Variants in FAM227B observed in about 807,000 individuals in gnomAD.
FAM227B encodes the protein protein FAM227B.
Under a neutral mutation model 73.8 loss-of-function variants are expected in FAM227B, and 88 were observed. The ratio of observed to expected loss-of-function variants is 1.19; its 90% CI spans 1.00 to 1.42. FAM227B has a LOEUF of 1.42. FAM227B is among the 40% of genes most tolerant of loss of function. FAM227B has a pLI of 0.00. For missense variants in FAM227B, 632 were observed against 590.9 expected (o/e 1.07, Z -0.72); for synonymous variants, 210 against 190.5 (o/e 1.10, Z -0.84).
At chr15:49,619,928 A>C (rs1345165993) in intron 1 of FAM227B, among the ~76,000 whole-genome samples, 2 of 152,162 alleles carry the variant, frequency 1.3e-5, no homozygotes, top group Non-Finnish European at 1.5e-5. Flanking sequence ...ATACAATTAA[A>C]AGCTCCATAA....
chr15:49,555,700 C>T (rs1261111037), intron 9 of FAM227B, among the ~76,000 whole-genome samples: 2 of 152,192 alleles, frequency 1.3e-5, no homozygotes, highest in Admixed American at 1.3e-4. Context: ...GATTTGGTCT[C>T]TTTACATAAT....
At chr15:49,481,315 T>C (rs1183507988) in intron 11 of FAM227B, among the ~76,000 whole-genome samples, 3 of 152,364 alleles carry the variant, frequency 2.0e-5, no homozygotes, top group East Asian at 3.9e-4. Flanking sequence ...TGCAAATATG[T>C]TGAATCAATG....
rs184970229 is a variant in FAM227B at position 49,328,617 on chromosome 15, G to A, written c.1478C>T (p.Ser493Leu). 9 of 1,587,994 alleles carry A rather than the reference G, an allele frequency of 5.7e-6. No individual in the cohort carries two copies. The highest frequency in any genetic ancestry group is 7.7e-6 in the Non-Finnish European group (9 of 1,163,528). The change falls in exon 16 of 16, where the codon TCA becomes TTA. Residue 493 changes from serine to leucine, a missense_variant. Physicochemically the swap from Ser to Leu is moderately radical, Grantham distance 145. Coordinates refer to ENST00000299338, the MANE Select transcript of FAM227B (RefSeq NM_152647.3). ...GTAGTTGTCTGTTGATGATGGTGAT[G>A]ATGATGATGATGACGATAGTGATGC... Reference protein sequence around the residue: ...CVASLSSSSSSSPSSTDNYNF... With the variant: ...CVASLSSSSSLSPSSTDNYNF...
chr15:49,590,881 T>C lies in FAM227B; in HGVS notation c.106-874A>G, dbSNP rs1230467608. Among the ~76,000 whole-genome samples, 5 of 152,106 alleles carry C rather than the reference T, an allele frequency of 3.3e-5. No individual in the cohort carries two copies. The East Asian group carries it at 5.8e-4, about 18-fold the overall frequency. On this transcript the variant is annotated intron_variant, in intron 3 of 15. Coordinates refer to ENST00000299338, the MANE Select transcript of FAM227B (RefSeq NM_152647.3). ...CTCTCTGCTCCTATGAGTTCCATTT[T>C]TATACATTCCACTTATAAGTGAGAT...
chr15:49,422,151 T>A (rs368172052), intron 11 of FAM227B, among the ~76,000 whole-genome samples: 2,447 of 91,246 alleles, frequency 0.027, 79 homozygotes, highest in African/African-American at 0.089. Flanking sequence ...AGAGAGTGTG[T>A]GTGTGTGTGT....
intron 2 of FAM227B, among the ~76,000 whole-genome samples, chr15:49,613,139 C>T (rs1489485138): frequency 6.6e-6 from 1 of 151,738 alleles, no homozygotes; most frequent in Non-Finnish European, 1.5e-5. Flanking sequence ...CTGCTTGAGC[C>T]CAGGAGTTTG....
intron 13 of FAM227B, among the ~76,000 whole-genome samples, chr15:49,336,479 T>C (rs1952988008): frequency 6.6e-6 from 1 of 152,176 alleles, no homozygotes; most frequent in African/African-American, 2.4e-5. Flanking sequence ...ACCTCTGCCA[T>C]CACTAAGATA....
intron 9 of FAM227B, 73 bp from the exon 10 acceptor site, chr15:49,541,879 T>A (rs1418194150): frequency 1.8e-6 from 2 of 1,122,132 alleles, no homozygotes; most frequent in African/African-American, 3.3e-5. Context: ...CCAAAGAAAT[T>A]ATTATTTTTT....
chr15:49,334,429 C>G (rs193059186), intron 14 of FAM227B: 1 of 158,048 alleles, frequency 6.3e-6, no homozygotes, highest in East Asian at 1.9e-4. Context: ...TCCCTATGCA[C>G]TATTTAGTGT....
chr15:49,555,157 A>G (rs2073512954), intron 9 of FAM227B, among the ~76,000 whole-genome samples: 1 of 152,078 alleles, frequency 6.6e-6, no homozygotes, highest in Admixed American at 6.6e-5. Context: ...TCTTTATGTG[A>G]TTGCTTTATA....
intron 10 of FAM227B, among the ~76,000 whole-genome samples, chr15:49,510,232 T>C (rs1228778287): frequency 6.6e-6 from 1 of 152,198 alleles, no homozygotes; most frequent in African/African-American, 2.4e-5. Flanking sequence ...TCAACTGTTA[T>C]AATTTTCATT....
intron 8 of FAM227B, 114 bp from the exon 9 acceptor site, chr15:49,568,460 T>A (rs2074835680): frequency 1.2e-6 from 1 of 828,046 alleles, no homozygotes; most frequent in African/African-American, 1.8e-5. Context: ...TACAGGAGAA[T>A]CAGCATGGGT....
chr15:49,404,785 T>C (rs1459932481), intron 11 of FAM227B, among the ~76,000 whole-genome samples: 1 of 152,128 alleles, frequency 6.6e-6, no homozygotes, highest in Non-Finnish European at 1.5e-5. Context: ...TTATTGTGTG[T>C]AGATTTGATC....
intron 9 of FAM227B, among the ~76,000 whole-genome samples, chr15:49,550,350 C>G (rs1355898351): frequency 4.7e-5 from 7 of 148,134 alleles, no homozygotes; most frequent in African/African-American, 1.7e-4. Flanking sequence ...CCCCCCACCT[C>G]CCTCCCGGAC....
chr15:49,483,777 T>C (rs1167733440), intron 11 of FAM227B, among the ~76,000 whole-genome samples: 1 of 152,080 alleles, frequency 6.6e-6, no homozygotes, highest in East Asian at 1.9e-4. Context: ...TGGCTTTCCT[T>C]TGTATTCCCA....
intron 10 of FAM227B, among the ~76,000 whole-genome samples, chr15:49,526,872 A>T (rs1223646472): frequency 1.3e-5 from 2 of 152,032 alleles, no homozygotes; most frequent in African/African-American, 4.8e-5. Flanking sequence ...TGAACAGATC[A>T]AGTAGGAGTA....
intron 9 of FAM227B, among the ~76,000 whole-genome samples, chr15:49,545,078 C>T (rs369540182): frequency 8.5e-5 from 13 of 152,104 alleles, no homozygotes; most frequent in African/African-American, 3.1e-4. Flanking sequence ...AAAATTGGTA[C>T]CAATTCTTCT....
In FAM227B at chr15:49,441,372, G is replaced by T. The variant is rs369861860; in HGVS notation, c.1012+66839C>A. 1.3e-5 allele frequency among the ~76,000 whole-genome samples: 2 copies of T among 151,658 alleles called. 1 individual carries two copies. Among genetic ancestry groups the T allele is most frequent in the Admixed American group, 1.3e-4 (2 of 15,180 alleles). On this transcript the variant is annotated intron_variant, in intron 11 of 15. Coordinates refer to ENST00000299338, the MANE Select transcript of FAM227B (RefSeq NM_152647.3). ...CATATGTCTTGGATTCAGCCCCTAA[G>T]AATCCAATTTTAGAAATAAAACTAA...
chr15:49,358,769 T>C lies in FAM227B; in HGVS notation c.1271+8679A>G, dbSNP rs921320299. On this transcript the variant is annotated intron_variant, in intron 13 of 15. Coordinates refer to ENST00000299338, the MANE Select transcript of FAM227B (RefSeq NM_152647.3). ...GTTCATATGGAACCAAAAAAGAGCC[T>C]GCATCGCCAAGTCAAACTTAAGCCA... Among the ~76,000 whole-genome samples the C allele has an allele frequency of 5.3e-5, 8 of 152,184 alleles. No individual in the cohort carries two copies. The South Asian group carries it at 1.0e-3, about 20-fold the overall frequency.
Sources: gnomAD v4.1 joint callset for allele counts (sites outside exome capture counted in the v4.1 genomes callset) on GRCh38, gnomAD v4.1.1 for gene constraint, MANE v1.5 for transcripts, NCBI Gene and HGNC (gene_info 2026-07-23, HGNC 2026-07-21) for gene names.